FAM222B: variants seen among roughly 807,000 people sequenced by gnomAD.
FAM222B encodes protein FAM222B.
Under a neutral mutation model 38.0 loss-of-function variants are expected in FAM222B, and 12 were observed. The observed-to-expected ratio is 0.32, with a 90% CI of 0.20 to 0.51. The LOEUF (loss-of-function observed/expected upper bound fraction) is 0.51, where lower values mean the gene tolerates loss of function less well. FAM222B is among the 20% of genes least tolerant of loss of function. FAM222B has a pLI of 0.97. For synonymous variants in FAM222B, 329 were observed against 317.2 expected (o/e 1.04, Z -0.40); for missense variants, 716 against 754.2 (o/e 0.95, Z 0.59).
intron 1 of FAM222B, among the ~76,000 whole-genome samples, chr17:28,816,692 C>T (rs989727065): frequency 4.0e-5 from 6 of 151,898 alleles, no homozygotes; most frequent in Non-Finnish European, 7.4e-5. Flanking sequence ...CTTAAAAAGA[C>T]AATTTCCTCA....
intron 1 of FAM222B, among the ~76,000 whole-genome samples, chr17:28,816,631 T>TAAAAAAAACA (rs1357385010): frequency 6.7e-6 from 1 of 149,482 alleles, no homozygotes; most frequent in Non-Finnish European, 1.5e-5. Flanking sequence ...TAGAACGGAA[T>TAAAAAAAACA]AAAAAAAACA....
intron 1 of FAM222B, chr17:28,854,850 T>TAC: frequency 1.6e-6 from 1 of 609,870 alleles, no homozygotes; most frequent in Non-Finnish European, 2.8e-6. Context: ...AGACTCTAAA[T>TAC]ACACATTTTC....
At chr17:28,804,793 A>G (rs1396941129) in intron 1 of FAM222B, among the ~76,000 whole-genome samples, 1 of 151,936 alleles carries the variant, frequency 6.6e-6, no homozygotes, top group Non-Finnish European at 1.5e-5. Context: ...CTATAATCCC[A>G]GCACTCTGGG....
chr17:28,793,424 T>TC (rs2036792900), intron 1 of FAM222B, among the ~76,000 whole-genome samples: 1 of 152,214 alleles, frequency 6.6e-6, no homozygotes, highest in African/African-American at 2.4e-5. Context: ...AAACTTTATC[T>TC]CCAACTTCCT....
At chr17:28,776,452 CTTTT>C (rs397857136) in intron 1 of FAM222B, among the ~76,000 whole-genome samples, 1 of 90,974 alleles carries the variant, frequency 1.1e-5, no homozygotes, top group Non-Finnish European at 2.0e-5. Flanking sequence ...CCTAAAAAGA[CTTTT>C]TTTTTTTTTT....
chr17:28,785,445 G>A (rs996844516), intron 1 of FAM222B, among the ~76,000 whole-genome samples: 1 of 152,126 alleles, frequency 6.6e-6, no homozygotes, highest in Non-Finnish European at 1.5e-5. Context: ...TGTTTAACAA[G>A]CACATATTAT....
chr17:28,792,352 G>A (rs2036738858), intron 1 of FAM222B, among the ~76,000 whole-genome samples: 1 of 149,524 alleles, frequency 6.7e-6, no homozygotes, highest in African/African-American at 2.5e-5. Flanking sequence ...GTGGTGGTGT[G>A]TGCCTGCAGT....
In FAM222B at chr17:28,800,220, G is replaced by A. The variant is rs891899263; in HGVS notation, c.-40-33513C>T. ...CTAATTTTGTATTTTTCACAGACGG[G>A]GTTTCTCCATGTTGGTCAGGCTGGT... On this transcript the variant is annotated intron_variant, in intron 1 of 2. Transcript: ENST00000581407. Among the ~76,000 whole-genome samples the A allele has an allele frequency of 9.2e-5, 14 of 151,862 alleles. No homozygotes were observed. The East Asian group carries it at 1.2e-3, about 13-fold the overall frequency.
intron 1 of FAM222B, among the ~76,000 whole-genome samples, chr17:28,807,832 G>T (rs1597981794): frequency 1.3e-5 from 2 of 152,172 alleles, no homozygotes; most frequent in Admixed American, 1.3e-4. Flanking sequence ...GTTTAAAGAA[G>T]ATACAAAGGC....
chr17:28,833,612 CA>C (rs370065990), intron 1 of FAM222B, among the ~76,000 whole-genome samples: 2,074 of 73,192 alleles, frequency 0.028, 9 homozygotes, highest in African/African-American at 0.092. Context: ...GACTTTGTCT[CA>C]AAAAAAAAAA....
At chr17:28,828,363 G>A (rs1372577486) in intron 1 of FAM222B, among the ~76,000 whole-genome samples, 4 of 151,208 alleles carry the variant, frequency 2.6e-5, no homozygotes, top group African/African-American at 4.9e-5. Context: ...AGGAGTTCAC[G>A]ACCACCCTGG....
chr17:28,766,746 A>G, intron 1 of FAM222B, 39 bp from the exon 2 acceptor site: 1 of 1,179,888 alleles, frequency 8.5e-7, no homozygotes, highest in Non-Finnish European at 1.2e-6. Context: ...ACACAAGGCA[A>G]CTCATTCGAA....
At chr17:28,810,045 G>A (rs1748545370) in intron 1 of FAM222B, among the ~76,000 whole-genome samples, 1 of 151,768 alleles carries the variant, frequency 6.6e-6, no homozygotes, top group Non-Finnish European at 1.5e-5. Context: ...CACCCAGGTT[G>A]GAGTGCAGTG....
At chr17:28,807,035 G>T (rs1377012774) in intron 1 of FAM222B, among the ~76,000 whole-genome samples, 1 of 148,076 alleles carries the variant, frequency 6.8e-6, no homozygotes, top group African/African-American at 2.5e-5. Flanking sequence ...TTTTTTTTTA[G>T]ATGGAATTTC....
chr17:28,801,313 C>T (rs531576086), intron 1 of FAM222B, among the ~76,000 whole-genome samples: 5 of 150,314 alleles, frequency 3.3e-5, no homozygotes, highest in South Asian at 2.1e-4. Flanking sequence ...ATTAGCCGGG[C>T]GATGTGGCGG....
intron 1 of FAM222B, among the ~76,000 whole-genome samples, chr17:28,829,482 C>G (rs1392524381): frequency 1.3e-5 from 2 of 151,980 alleles, no homozygotes; most frequent in African/African-American, 4.8e-5. Flanking sequence ...CACTGTCTCT[C>G]TAGTCTTACC....
chr17:28,795,068 G>A (rs2036873354), intron 1 of FAM222B, among the ~76,000 whole-genome samples: 1 of 151,668 alleles, frequency 6.6e-6, no homozygotes, highest in Non-Finnish European at 1.5e-5. Flanking sequence ...ACTTCAGCCT[G>A]GGCAATAGAG....
At chr17:28,769,337 C>A (rs1567803734) in intron 1 of FAM222B, among the ~76,000 whole-genome samples, 1 of 152,008 alleles carries the variant, frequency 6.6e-6, no homozygotes, top group African/African-American at 2.4e-5. Flanking sequence ...TGCCACCATG[C>A]CCGGATAATT....
At chr17:28,814,121 A>C (rs1318159978) in intron 1 of FAM222B, among the ~76,000 whole-genome samples, 1 of 151,560 alleles carries the variant, frequency 6.6e-6, no homozygotes, top group African/African-American at 2.4e-5. Context: ...GGCAGAGTAC[A>C]GTGAGCAGAG....
Sources: gnomAD v4.1 joint callset for allele counts (sites outside exome capture counted in the v4.1 genomes callset) on GRCh38, gnomAD v4.1.1 for gene constraint, MANE v1.5 for transcripts, NCBI Gene and HGNC (gene_info 2026-07-23, HGNC 2026-07-21) for gene names.